Variants in ALG12 observed in about 807,000 individuals in gnomAD.
ALG12 encodes the protein dol-P-Man:Man(7)GlcNAc(2)-PP-Dol alpha-1,6-mannosyltransferase.
A neutral mutation model predicts 46.0 loss-of-function variants in ALG12; 36 were observed. That is an observed-to-expected ratio of 0.78 (90% CI 0.60 to 1.03). The LOEUF is 1.03. Ranked by LOEUF, ALG12 falls within the 50% of genes least tolerant of loss-of-function variation. The pLI, the probability that ALG12 is intolerant of heterozygous loss-of-function variation, is 0.00. For synonymous variants in ALG12, 326 were observed against 291.6 expected, an observed-to-expected ratio of 1.12 and a Z score of -1.20; for missense variants, 599 against 633.5, an observed-to-expected ratio of 0.95 and a Z score of 0.58.
At chr22:49,909,806 G>T in intron 5 of ALG12, 88 bp downstream of exon 5, 1 of 1,533,188 alleles carries the variant, frequency 6.5e-7, no homozygotes, top group South Asian at 1.1e-5. Context: ...TATTTCATGG[G>T]GATGAAAACC....
At chr22:49,874,235 C>T in the ALG12 span, among the ~76,000 whole-genome samples, 21 of 152,184 alleles carry the variant, frequency 1.4e-4, no homozygotes, top group Admixed American at 1.3e-4. Context: ...CACTGTTTCC[C>T]GGATGCGTCT....
chr22:49,908,873 A>C (rs1486290785), intron 6 of ALG12, among the ~76,000 whole-genome samples: 1 of 151,002 alleles, frequency 6.6e-6, no homozygotes, highest in African/African-American at 2.4e-5. Context: ...AATTGCTTGA[A>C]CCAGGGAGGT....
rs1434165167 is a variant in ALG12, at chr22:49,905,658, C to T, written c.993-1152G>A. Among the ~76,000 whole-genome samples, 1 of 152,210 alleles carries T rather than the reference C, an allele frequency of 6.6e-6. No homozygotes were observed. Among genetic ancestry groups the T allele is most frequent in the African/African-American group, 2.4e-5 (1 of 41,454 alleles). ...GCCATAATGGAAAGTTTTCCCAGGCCAGCCTGGAAGCTGAGCAGACACCAG... is the reference window on the plus strand; with the variant it reads ...GCCATAATGGAAAGTTTTCCCAGGCTAGCCTGGAAGCTGAGCAGACACCAG... On this transcript the variant is annotated intron_variant, in intron 7 of 9. Transcript: ENST00000330817. This position sits in a 1 kb window ranked among gnomAD's most constrained non-coding sequence, Gnocchi z 4.9.
chr22:49,905,898 C>T lies in ALG12; in HGVS notation c.993-1392G>A, dbSNP rs538148167. Among the ~76,000 whole-genome samples the T allele has an allele frequency of 2.7e-4, 41 of 152,284 alleles. 1 individual carries two copies. The South Asian group carries it at 8.3e-3, about 31-fold the overall frequency. ...AAGAGCTCAGCACTGCCAGGGCGTT[C>T]GTCCTTTGTTCCCGCCCAAACCTGG... On this transcript the variant is annotated intron_variant, in intron 7 of 9. Transcript: ENST00000330817. The surrounding 1 kb of genome is among the most constrained non-coding windows in gnomAD (Gnocchi z 4.9).
the ALG12 span, among the ~76,000 whole-genome samples, chr22:49,876,979 G>A: frequency 2.2e-4 from 33 of 152,280 alleles, no homozygotes; most frequent in African/African-American, 7.7e-4. Flanking sequence ...TGATTCAGAT[G>A]ACTCTGATGT....
rs1030831645 is a variant in ALG12 at position 49,903,305 on chromosome 22, G to A, written c.*533C>T. 4.8e-5 allele frequency: 22 copies of A among 456,468 alleles called. No homozygotes were observed. Among genetic ancestry groups the A allele is most frequent in the African/African-American group, 4.0e-4 (20 of 50,070 alleles). The allele number at this position is 456,468 out of a possible 1,614,324, so 28.3% of individuals were successfully genotyped here. A position where few individuals can be genotyped will look rare whatever the true frequency, so the allele number is the denominator to read the frequency against. ...TATCTCCTAAGATTTTATCTGTGAT[G>A]GAGATGGGATGCCTGTGAATACAAA... On this transcript the variant is annotated 3_prime_UTR_variant, in exon 10 of 10. Transcript: ENST00000330817.
At chr22:49,897,323 A>G (rs967320743), downstream of ALG12, among the ~76,000 whole-genome samples, 5 of 152,096 alleles carry the variant, frequency 3.3e-5, no homozygotes, top group African/African-American at 1.2e-4. Context: ...TAAGTTTTCA[A>G]CTCCCTTGAG....
the ALG12 span, among the ~76,000 whole-genome samples, chr22:49,876,613 C>CT: frequency 2.6e-5 from 4 of 151,856 alleles, no homozygotes; most frequent in Non-Finnish European, 5.9e-5. Flanking sequence ...CATGGTATAC[C>CT]TTTTTTCATC....
rs1338192795 is a variant in ALG12 at position 49,907,797 on chromosome 22, G to C, written c.916C>G (p.Pro306Ala). ...LGFMALYSLL[P>A]HKELRFIIYA... is the part of the protein sequence containing the mutation. ...ATGATGAAGCGTAGCTCCTTGTGTG[G>C]CAGGAGGGAGTAGAGTGCCATGAAG... The change falls in exon 7 of 10, where the codon CCA (proline) becomes GCA (alanine). Residue 306 changes from proline to alanine, a missense_variant. Physicochemically the swap from Pro to Ala is conservative, Grantham distance 27 (BLOSUM62 -1). Transcript: ENST00000330817. 8 of 1,614,028 alleles carry C rather than the reference G, an allele frequency of 5.0e-6. No individual in the cohort carries two copies. The Admixed American group carries it at 1.3e-4, about 27-fold the overall frequency.
At chr22:49,886,437 C>G in the ALG12 span, 1 of 1,583,396 alleles carries the variant, frequency 6.3e-7, no homozygotes, top group Non-Finnish European at 8.6e-7. This position sits in a 1 kb window ranked among gnomAD's most constrained non-coding sequence, Gnocchi z 7.7. Context: ...TCAGCTGCGA[C>G]CAGTGGGAGG....
the ALG12 span, among the ~76,000 whole-genome samples, chr22:49,879,496 C>T: frequency 1.3e-5 from 2 of 151,826 alleles, no homozygotes; most frequent in African/African-American, 2.4e-5. Flanking sequence ...TATATCCGCT[C>T]TTACAATAGC....
At chr22:49,912,185 CAG>C (rs1431461548) in intron 3 of ALG12, among the ~76,000 whole-genome samples, 2 of 152,090 alleles carry the variant, frequency 1.3e-5, no homozygotes, top group Non-Finnish European at 2.9e-5. Context: ...GCTCTTCATC[CAG>C]AGAGGAAGGA....
At chr22:49,913,312 C>T (rs1025628099) in intron 3 of ALG12, 73 bp downstream of exon 3, 69 of 1,600,960 alleles carry the variant, frequency 4.3e-5, no homozygotes, top group African/African-American at 1.2e-4. Flanking sequence ...CAGGAGGGAC[C>T]GCGGCCTCGC....
At chr22:49,870,358 G>C in the ALG12 span, among the ~76,000 whole-genome samples, 1 of 152,116 alleles carries the variant, frequency 6.6e-6, no homozygotes. Flanking sequence ...GGCATCACTG[G>C]GTCCAATGGT....
chr22:49,886,059 C>T, the ALG12 span: 19 of 681,718 alleles, frequency 2.8e-5, no homozygotes, highest in South Asian at 1.9e-4. The surrounding 1 kb of genome is among the most constrained non-coding windows in gnomAD (Gnocchi z 7.7). Context: ...TGACCTCCAC[C>T]GGCCTTCAGG....
In ALG12 at chr22:49,907,948, C is replaced by A; in HGVS notation, c.769-4G>T. The A allele has an allele frequency of 6.2e-7, 1 of 1,611,450 alleles. No homozygotes were observed. Among genetic ancestry groups the A allele is most frequent in the Non-Finnish European group, 8.5e-7 (1 of 1,179,790 alleles). ...AGTACCACAGCAGCGGGGAGGTCTG[C>A]GGGCTGGGTTAAGGAGGCCACGCAC... On this transcript the variant is annotated splice_region_variant and splice_polypyrimidine_tract_variant and intron_variant, in intron 6 of 9. Transcript: ENST00000330817.
At chr22:49,912,447 C>T (rs1017576711) in intron 3 of ALG12, among the ~76,000 whole-genome samples, 2 of 152,318 alleles carry the variant, frequency 1.3e-5, no homozygotes, top group Admixed American at 6.5e-5. Context: ...TTCCCTGGCT[C>T]GTGGCCCCCC....
At chr22:49,897,276 T>A (rs1280286978), downstream of ALG12, among the ~76,000 whole-genome samples, 2 of 152,256 alleles carry the variant, frequency 1.3e-5, no homozygotes, top group East Asian at 3.8e-4. Flanking sequence ...TGAATACACC[T>A]GCTATGAATA....
At chr22:49,863,038 C>T in the ALG12 span, among the ~76,000 whole-genome samples, 113,285 of 152,040 alleles carry the variant, frequency 0.75, 44,783 homozygotes, top group East Asian at 0.9. Context: ...ACATTATCCA[C>T]CCCACCTCCC....
Sources: gnomAD v4.1 joint callset for allele counts (sites outside exome capture counted in the v4.1 genomes callset) on GRCh38, gnomAD v4.1.1 for gene constraint, Gnocchi (gnomAD v3.1) non-coding constraint, MANE v1.5 for transcripts, NCBI Gene and HGNC (gene_info 2026-07-23, HGNC 2026-07-21) for gene names.